EFCAB10: variants seen among roughly 807,000 people sequenced by gnomAD.
EFCAB10 encodes the protein EF-hand calcium-binding domain-containing protein 10.
A neutral mutation model predicts 7.7 loss-of-function variants in EFCAB10; 7 were observed. That is an observed-to-expected ratio of 0.91 (90% CI 0.52 to 1.72). EFCAB10 has a LOEUF of 1.72. Among genes scored for constraint, EFCAB10 ranks in the 40% most tolerant of loss-of-function variants. The pLI is 0.00. For missense variants in EFCAB10, 112 were observed against 61.5 expected (o/e 1.82, Z -2.74); for synonymous variants, 52 against 21.0 (o/e 2.47, Z -4.03).
intron 1 of EFCAB10, 67 bp downstream of exon 1, chr7:105,581,291 G>C (rs1446755435): frequency 4.4e-6 from 3 of 688,744 alleles, no homozygotes; most frequent in African/African-American, 1.8e-5. Flanking sequence ...TGTGTAAGAG[G>C]GGGGTTTCGT....
At chr7:105,573,883 T>C (rs1586288552) in intron 1 of EFCAB10, among the ~76,000 whole-genome samples, 1 of 152,146 alleles carries the variant, frequency 6.6e-6, no homozygotes, top group African/African-American at 2.4e-5. Flanking sequence ...AATGGTGAAA[T>C]CTAGTCAGTC....
chr7:105,566,737 C>G (rs1207524344), intron 4 of EFCAB10: 2 of 153,218 alleles, frequency 1.3e-5, no homozygotes, highest in Non-Finnish European at 2.9e-5. Flanking sequence ...TTACACGTTT[C>G]ATAGGACTGT....
chr7:105,570,228 AAAAAAAAAAAAAATATAT>A (rs1473249915), intron 1 of EFCAB10, among the ~76,000 whole-genome samples: 760 of 64,784 alleles, frequency 0.012, 7 homozygotes, highest in African/African-American at 0.049. Flanking sequence ...AAAAAAAAAA[AAAAAAAAAAAAAATATAT>A]ATATATATAT....
At position 105,569,206 on chromosome 7, in the gene EFCAB10, T is replaced by G; in HGVS notation, c.356A>C (p.Glu119Ala). The G allele has an allele frequency of 1.4e-6, 1 of 700,878 alleles. No homozygotes were observed. Among genetic ancestry groups the G allele is most frequent in the Non-Finnish European group, 2.6e-6 (1 of 384,938 alleles). 43.4% of individuals were successfully genotyped at this position (700,878 alleles called of 1,614,324 possible). A position where few individuals can be genotyped will look rare whatever the true frequency, so the allele number is the denominator to read the frequency against. Residue 119 changes from glutamate to alanine, a missense_variant, in exon 3 of 5, where the codon GAA (glutamate) becomes GCA (alanine). Physicochemically the swap from Glu to Ala is moderately radical, Grantham distance 107 (BLOSUM62 -1). Transcript: ENST00000480514. ...TGTCACTTAAAAATAAACTTACACTTCCTCCTTGAATTTATCCAAAGTTAT... is the reference window on the plus strand; with the variant it reads ...TGTCACTTAAAAATAAACTTACACTGCCTCCTTGAATTTATCCAAAGTTAT... ...HKITLDKFKE[E>A]VNKRMKEI is the part of the protein sequence containing the mutation.
chr7:105,574,122 GTGTATATA>G (rs1211149639), intron 1 of EFCAB10, among the ~76,000 whole-genome samples: 9 of 2,942 alleles, frequency 3.1e-3, no homozygotes, highest in Non-Finnish European at 0.019. Flanking sequence ...CACAATGTGT[GTGTATATA>G]TATATATATA....
chr7:105,571,176 G>A (rs1429613142), intron 1 of EFCAB10: 1 of 152,154 alleles, frequency 6.6e-6, no homozygotes, highest in Non-Finnish European at 1.5e-5. Flanking sequence ...AATTTGTGAG[G>A]AACAAAGTTA....
intron 4 of EFCAB10, chr7:105,565,745 T>G (rs1400947940): frequency 2.6e-6 from 2 of 765,148 alleles, no homozygotes; most frequent in Non-Finnish European, 4.3e-6. Context: ...TTGGGTGGGA[T>G]AAGATCAGTT....
At chr7:105,573,402 A>C (rs1277100656) in intron 1 of EFCAB10, 2 of 152,230 alleles carry the variant, frequency 1.3e-5, no homozygotes, top group African/African-American at 4.8e-5. Flanking sequence ...AATAATGCTA[A>C]TGGAACTTGG....
At chr7:105,573,522 T>C (rs973490930) in intron 1 of EFCAB10, 1 of 152,232 alleles carries the variant, frequency 6.6e-6, no homozygotes, top group Admixed American at 6.5e-5. Context: ...TACCTGCTTT[T>C]AAAAATGTTT....
At chr7:105,574,098 C>T (rs1792009110) in intron 1 of EFCAB10, among the ~76,000 whole-genome samples, 2 of 141,828 alleles carry the variant, frequency 1.4e-5, no homozygotes, top group Admixed American at 1.5e-4. Flanking sequence ...CATATATATA[C>T]ACACATACAC....
Position 105,565,338 on chromosome 7 carries a change from C to G in EFCAB10, c.*109G>C, listed in dbSNP as rs756510641. The G allele has an allele frequency of 6.2e-7, 1 of 1,614,088 alleles. No homozygotes were observed. Among genetic ancestry groups the G allele is most frequent in the African/African-American group, 1.3e-5 (1 of 74,932 alleles). ...GATGTCCCTGTCCAGTTCGGCTTGC[C>G]CGTTGCTGCTGACGTTACGAGACCA... is the stretch of plus-strand genomic sequence containing the variant. On this transcript the variant is annotated 3_prime_UTR_variant, in exon 5 of 5. Transcript: ENST00000480514.
intron 1 of EFCAB10, among the ~76,000 whole-genome samples, chr7:105,576,484 C>T (rs548592406): frequency 1.2e-4 from 19 of 152,188 alleles, no homozygotes; most frequent in Admixed American, 1.2e-3. Context: ...ACTCTGTTGC[C>T]CAGGCTGGAG....
At position 105,574,660 on chromosome 7, in the gene EFCAB10, A is replaced by C. The variant is rs905714385; in HGVS notation, c.107-5089T>G. On this transcript the variant is annotated intron_variant, in intron 1 of 4. Transcript: ENST00000480514. ...CCACCATGCCCGGCTAATTTTTTGTATATTTTTAATAGAGGGGTTTCACCG... is the reference window on the plus strand; with the variant it reads ...CCACCATGCCCGGCTAATTTTTTGTCTATTTTTAATAGAGGGGTTTCACCG... Among the ~76,000 whole-genome samples the C allele has an allele frequency of 1.2e-4, 18 of 151,600 alleles. No individual in the cohort carries two copies. The South Asian group carries it at 2.1e-3, about 18-fold the overall frequency.
intron 4 of EFCAB10, chr7:105,565,718 T>A: frequency 9.5e-7 from 1 of 1,048,534 alleles, no homozygotes; most frequent in Non-Finnish European, 1.4e-6. Flanking sequence ...CTTTTAACTT[T>A]AGGGTTCTGG....
At position 105,567,220 on chromosome 7, in the gene EFCAB10, C is replaced by T. The variant is rs1450417616; in HGVS notation, c.383+247G>A. 10 of 1,613,268 alleles carry T rather than the reference C, an allele frequency of 6.2e-6. No individual in the cohort carries two copies. The highest frequency in any genetic ancestry group is 8.5e-6 in the Non-Finnish European group (10 of 1,179,726). On this transcript the variant is annotated intron_variant, in intron 4 of 4. Coordinates refer to ENST00000480514, the MANE Select transcript of EFCAB10 (RefSeq NM_001355526.2). ...TCAGGGCAGCTTCCTGCCACAGCAG[C>T]ATTAAATGAAGTTGGAATTTACAAA... is the stretch of plus-strand genomic sequence containing the variant.
chr7:105,567,546 A>G, intron 3 of EFCAB10, 56 bp from the exon 4 acceptor site: 1 of 673,604 alleles, frequency 1.5e-6, no homozygotes, highest in Non-Finnish European at 2.6e-6. Context: ...ATTTACAAGT[A>G]TAAATGCTGA....
chr7:105,575,448 A>C (rs935909178), intron 1 of EFCAB10, among the ~76,000 whole-genome samples: 2 of 152,122 alleles, frequency 1.3e-5, no homozygotes, highest in African/African-American at 4.8e-5. Context: ...AGCTGGGATT[A>C]CAAGTGTCCG....
rs2133479700 is a variant in EFCAB10, at chr7:105,565,542, A to C, written c.*-95T>G. On this transcript the variant is annotated intron_variant, in intron 4 of 4. Coordinates refer to ENST00000480514, the MANE Select transcript of EFCAB10 (RefSeq NM_001355526.2). ...TTCTTTGTTTCAGATAATTCTTGCT[A>C]ATCACTTCAATGAAGGAGGAGCAGC... The C allele has an allele frequency of 1.2e-6, 2 of 1,613,266 alleles. No homozygotes were observed. Among genetic ancestry groups the C allele is most frequent in the Non-Finnish European group, 1.7e-6 (2 of 1,179,470 alleles).
At chr7:105,569,370 C>T (rs1381059755) in intron 2 of EFCAB10, 37 bp downstream of exon 2, 1 of 695,526 alleles carries the variant, frequency 1.4e-6, no homozygotes, top group Non-Finnish European at 2.6e-6. Context: ...TGTGGAATGA[C>T]CACAAACTAT....
Sources: gnomAD v4.1 joint callset for allele counts (sites outside exome capture counted in the v4.1 genomes callset) on GRCh38, gnomAD v4.1.1 for gene constraint, MANE v1.5 for transcripts, NCBI Gene and HGNC (gene_info 2026-07-23, HGNC 2026-07-21) for gene names.